PSMA1: variants seen among roughly 807,000 people sequenced by gnomAD.
The protein encoded by PSMA1 is proteasome 20S subunit alpha 1, also known as proteasome subunit alpha type-1.
Under a neutral mutation model 38.4 loss-of-function variants are expected in PSMA1, and 3 were observed. The observed-to-expected ratio is 0.08, with a 90% CI of 0.04 to 0.20. The LOEUF is 0.20. Among genes scored for constraint, PSMA1 ranks in the 10% least tolerant of loss-of-function variants. The probability of loss-of-function intolerance (pLI) is 1.00; values close to 1 mark genes in which losing one functional copy is unlikely to be tolerated. For missense variants in PSMA1, 227 were observed against 325.3 expected, an observed-to-expected ratio of 0.70 and a Z score of 2.32; for synonymous variants, 101 against 107.1, an observed-to-expected ratio of 0.94 and a Z score of 0.35.
At chr11:14,565,878 G>T (rs1286368781) in intron 2 of PSMA1, among the ~76,000 whole-genome samples, 1 of 152,218 alleles carries the variant, frequency 6.6e-6, no homozygotes, top group East Asian at 1.9e-4. Context: ...ATCCACCACA[G>T]TTGTAGAATA....
intron 2 of PSMA1, among the ~76,000 whole-genome samples, chr11:14,546,815 G>A (rs906559832): frequency 6.6e-6 from 1 of 152,192 alleles, no homozygotes; most frequent in Non-Finnish European, 1.5e-5. Flanking sequence ...AAGCAGAAAA[G>A]CTGCCAGCAG....
At chr11:14,581,336 G>A (rs761377062) in intron 2 of PSMA1, among the ~76,000 whole-genome samples, 3 of 152,186 alleles carry the variant, frequency 2.0e-5, no homozygotes, top group African/African-American at 4.8e-5. Flanking sequence ...GGCTCAAGCA[G>A]CACAGTGTAA....
intron 2 of PSMA1, among the ~76,000 whole-genome samples, chr11:14,570,525 C>T (rs950433712): frequency 2.6e-5 from 4 of 152,138 alleles, no homozygotes; most frequent in African/African-American, 9.7e-5. Context: ...CCGTAAATGA[C>T]CTGATGGAGC....
At chr11:14,611,945 A>C (rs1852713737) in intron 1 of PSMA1, among the ~76,000 whole-genome samples, 1 of 152,090 alleles carries the variant, frequency 6.6e-6, no homozygotes, top group Non-Finnish European at 1.5e-5. Flanking sequence ...ATTTGTGCTG[A>C]GTTTGGAGTT....
intron 2 of PSMA1, among the ~76,000 whole-genome samples, chr11:14,595,948 G>C (rs990589116): frequency 6.6e-6 from 1 of 152,148 alleles, no homozygotes; most frequent in Non-Finnish European, 1.5e-5. Context: ...TCCAGTTTCA[G>C]CTTTCTATAT....
At chr11:14,551,196 T>A (rs1851880080) in intron 2 of PSMA1, among the ~76,000 whole-genome samples, 2 of 152,220 alleles carry the variant, frequency 1.3e-5, no homozygotes, top group South Asian at 4.1e-4. Flanking sequence ...AGACAGTTTC[T>A]TTGCTTGGAT....
intron 1 of PSMA1, among the ~76,000 whole-genome samples, chr11:14,634,347 G>A (rs1408360432): frequency 6.6e-6 from 1 of 152,230 alleles, no homozygotes; most frequent in African/African-American, 2.4e-5. Flanking sequence ...CCCAACACTT[G>A]TACACATACA....
At chr11:14,616,803 T>G (rs1852779151) in intron 1 of PSMA1, among the ~76,000 whole-genome samples, 1 of 152,126 alleles carries the variant, frequency 6.6e-6, no homozygotes, top group Non-Finnish European at 1.5e-5. Flanking sequence ...ACCCAAAGTC[T>G]CATGGCTATT....
intron 2 of PSMA1, among the ~76,000 whole-genome samples, chr11:14,591,445 G>T (rs1852413372): frequency 6.6e-6 from 1 of 152,192 alleles, no homozygotes. Flanking sequence ...GCTGAGGAGT[G>T]TGGGCGCACG....
intron 2 of PSMA1, among the ~76,000 whole-genome samples, chr11:14,562,170 C>T (rs1299985770): frequency 6.6e-6 from 1 of 152,184 alleles, no homozygotes; most frequent in Admixed American, 6.5e-5. Flanking sequence ...TGAGGTGTCC[C>T]CCAGCTAGTG....
At chr11:14,543,866 C>G (rs1851798064) in intron 2 of PSMA1, among the ~76,000 whole-genome samples, 1 of 152,116 alleles carries the variant, frequency 6.6e-6, no homozygotes, top group Admixed American at 6.6e-5. Flanking sequence ...AACCTACTGA[C>G]AACATTGAGG....
chr11:14,623,664 C>T (rs1418005291), intron 1 of PSMA1, among the ~76,000 whole-genome samples: 2 of 152,104 alleles, frequency 1.3e-5, no homozygotes, highest in East Asian at 3.8e-4. Context: ...AATAACCAGA[C>T]CAGTTTATAT....
intron 1 of PSMA1, among the ~76,000 whole-genome samples, chr11:14,615,318 C>G (rs1421906751): frequency 6.6e-6 from 1 of 152,240 alleles, no homozygotes; most frequent in Non-Finnish European, 1.5e-5. Context: ...GCATTCTCTA[C>G]TTGCCCTGCG....
chr11:14,601,132 G>A (rs535220914), intron 2 of PSMA1, among the ~76,000 whole-genome samples: 2 of 152,258 alleles, frequency 1.3e-5, no homozygotes, highest in South Asian at 4.1e-4. Flanking sequence ...GGCTATTTCA[G>A]GAGTAAGGAG....
chr11:14,629,028 T>G (rs1282250867), intron 1 of PSMA1, among the ~76,000 whole-genome samples: 89 of 151,376 alleles, frequency 5.9e-4, no homozygotes, highest in African/African-American at 2.0e-3. Flanking sequence ...GTTTTTTTCT[T>G]GTAAATTTGT....
rs11023277 is a variant in PSMA1 at position 14,619,493 on chromosome 11, C to T, written c.-165-8342G>A. The stretch of plus-strand genomic sequence containing the variant: ...CCACATAAAGAGCTAAAAGAATACA[C>T]GAAGAGGAGAGGTTAATTCTGGCTT... On this transcript the variant is annotated intron_variant, in intron 1 of 10. Coordinates refer to the PSMA1 transcript ENST00000418988. 2.2e-4 allele frequency among the ~76,000 whole-genome samples: 34 copies of T among 151,980 alleles called. No individual in the cohort carries two copies. The East Asian group carries it at 5.8e-3, about 26-fold the overall frequency.
At chr11:14,514,514 T>C in intron 4 of PSMA1, 23 bp from the exon 5 acceptor site, 4 of 1,496,980 alleles carry the variant, frequency 2.7e-6, no homozygotes, top group Non-Finnish European at 3.6e-6. Flanking sequence ...CAAAAAAAGT[T>C]TAGTAATTTC....
chr11:14,593,333 C>T (rs888802705), intron 2 of PSMA1, among the ~76,000 whole-genome samples: 41 of 152,316 alleles, frequency 2.7e-4, no homozygotes, highest in African/African-American at 8.2e-4. Context: ...GCATCTACAA[C>T]GCTGCCCAAA....
chr11:14,581,220 C>T (rs954329749), intron 2 of PSMA1, among the ~76,000 whole-genome samples: 4 of 152,130 alleles, frequency 2.6e-5, no homozygotes, highest in African/African-American at 7.2e-5. Context: ...CATTGCCCAC[C>T]CTTGCATTTG....
Sources: gnomAD v4.1 joint callset for allele counts (sites outside exome capture counted in the v4.1 genomes callset) on GRCh38, gnomAD v4.1.1 for gene constraint, MANE v1.5 for transcripts, NCBI Gene and HGNC (gene_info 2026-07-23, HGNC 2026-07-21) for gene names.